PIR: variants seen among roughly 807,000 people sequenced by gnomAD.
The protein encoded by PIR is pirin (iron-binding nuclear protein).
PIR carries 22 observed loss-of-function variants against 24.2 expected under a neutral mutation model. The observed-to-expected ratio is 0.91, with a 90% CI of 0.65 to 1.30. The LOEUF (loss-of-function observed/expected upper bound fraction) is 1.30, where lower values mean the gene tolerates loss of function less well. Ranked by LOEUF, PIR falls within the 50% of genes most tolerant of loss-of-function variation. The probability of loss-of-function intolerance (pLI) is 0.00; values close to 1 mark genes in which losing one functional copy is unlikely to be tolerated. For synonymous variants in PIR, 80 were observed against 79.6 expected (o/e 1.00, Z -0.03); for missense variants, 220 against 220.3 (o/e 1.00, Z 0.01).
At chrX:15,387,281 G>C (rs1406763155) in intron 9 of PIR, among the ~76,000 whole-genome samples, 3 of 107,201 alleles carry the variant, frequency 2.8e-5, no homozygotes, top group African/African-American at 1.0e-4. Context: ...ATTTTTAGTA[G>C]AGATTGGGTT....
At chrX:15,451,385 G>T (rs1457917416) in intron 5 of PIR, among the ~76,000 whole-genome samples, 4 of 107,415 alleles carry the variant, frequency 3.7e-5, no homozygotes, top group Non-Finnish European at 7.7e-5. Flanking sequence ...TCCTGCAAAA[G>T]AGTTCACATT....
chrX:15,404,953 T>C (rs1365806520), intron 7 of PIR, among the ~76,000 whole-genome samples: 2 of 111,192 alleles, frequency 1.8e-5, no homozygotes, highest in Non-Finnish European at 3.8e-5. Flanking sequence ...TTGCCAGATG[T>C]TTTGCACTGT....
intron 8 of PIR, among the ~76,000 whole-genome samples, chrX:15,394,438 T>C (rs1307933250): frequency 8.9e-6 from 1 of 112,032 alleles, no homozygotes; most frequent in Non-Finnish European, 1.9e-5. Flanking sequence ...ATAGTGCCAG[T>C]TAAAAAGCAC....
chrX:15,442,535 G>A (rs980597359), intron 5 of PIR, among the ~76,000 whole-genome samples: 6 of 112,041 alleles, frequency 5.4e-5, no homozygotes, highest in Admixed American at 3.8e-4. Context: ...GTCAAAAGCC[G>A]AGACAGGCCA....
chrX:15,386,771 G>A (rs1602236948), intron 9 of PIR, among the ~76,000 whole-genome samples: 1 of 110,863 alleles, frequency 9.0e-6, no homozygotes, highest in Non-Finnish European at 1.9e-5. Context: ...AAAAAATGGC[G>A]ATCTGAAATA....
Position 15,385,086 on chromosome X carries a change from A to G in PIR, c.791T>C (p.Ile264Thr). 1 of 1,183,927 alleles carries G rather than the reference A, an allele frequency of 8.4e-7. No homozygotes were observed. Among genetic ancestry groups the G allele is most frequent in the Non-Finnish European group, 1.1e-6 (1 of 871,077 alleles). Residue 264 changes from isoleucine to threonine, a missense_variant, in exon 10 of 10, where the codon ATT becomes ACT. Coordinates refer to ENST00000380420, the MANE Select transcript of PIR (RefSeq NM_001018109.3). ...TCTGAAATCAAGAATAGCTTGAGAA[A>G]TCTCTTCATTGGTGTTCATCACAAA... ...GPFVMNTNEEISQAILDFRNA... is the reference protein window; with the variant it reads ...GPFVMNTNEETSQAILDFRNA...
intron 3 of PIR, among the ~76,000 whole-genome samples, chrX:15,463,622 G>A (rs1921406577): frequency 8.9e-6 from 1 of 112,144 alleles, no homozygotes; most frequent in African/African-American, 3.2e-5. Context: ...ACAGGCAGAT[G>A]GCTACAAAAA....
intron 6 of PIR, among the ~76,000 whole-genome samples, chrX:15,416,572 G>A (rs1385310184): frequency 5.4e-5 from 6 of 111,175 alleles, no homozygotes; most frequent in Non-Finnish European, 9.4e-5. Flanking sequence ...ACTCTAAGAC[G>A]TCTGCCTGAT....
At chrX:15,432,552 T>C (rs1039594444) in intron 5 of PIR, among the ~76,000 whole-genome samples, 1 of 112,108 alleles carries the variant, frequency 8.9e-6, no homozygotes, top group African/African-American at 3.2e-5. Context: ...GAGCTTGAAG[T>C]ATTCAGAAAC....
chrX:15,424,030 C>T (rs1925223229), intron 6 of PIR, among the ~76,000 whole-genome samples: 1 of 112,127 alleles, frequency 8.9e-6, no homozygotes, highest in South Asian at 3.7e-4. Flanking sequence ...AAAAACTAAA[C>T]ATAGAACTAC....
intron 5 of PIR, among the ~76,000 whole-genome samples, chrX:15,437,519 T>C (rs781575611): frequency 1.6e-4 from 18 of 112,031 alleles, no homozygotes; most frequent in Admixed American, 9.5e-5. Flanking sequence ...ATGGCCCCCA[T>C]GTTGGTTACT....
chrX:15,404,089 C>G (rs1336506438), intron 7 of PIR, among the ~76,000 whole-genome samples: 1 of 109,537 alleles, frequency 9.1e-6, no homozygotes, highest in Non-Finnish European at 1.9e-5. Flanking sequence ...AAACTCTGCT[C>G]TCCGGGTTCA....
intron 6 of PIR, among the ~76,000 whole-genome samples, chrX:15,413,641 T>C (rs1467208113): frequency 8.9e-6 from 1 of 112,266 alleles, no homozygotes; most frequent in Non-Finnish European, 1.9e-5. Context: ...AGATAGGTTA[T>C]TACCTGAACT....
At chrX:15,460,266 C>T (rs919554017) in intron 3 of PIR, among the ~76,000 whole-genome samples, 9 of 111,742 alleles carry the variant, frequency 8.1e-5, no homozygotes, top group African/African-American at 2.6e-4. Flanking sequence ...AAAATAAAAT[C>T]ACTATCTCAA....
At chrX:15,395,245 T>A (rs113594730) in intron 8 of PIR, among the ~76,000 whole-genome samples, 2,364 of 111,582 alleles carry the variant, frequency 0.021, 66 homozygotes, top group African/African-American at 0.072. Flanking sequence ...ACTGTATAAA[T>A]CCTTATTAGG....
intron 6 of PIR, among the ~76,000 whole-genome samples, chrX:15,417,286 C>A (rs1569197863): frequency 8.9e-6 from 1 of 112,498 alleles, no homozygotes; most frequent in South Asian, 3.7e-4. Context: ...TAACAGTACA[C>A]AGCTAAGTTG....
chrX:15,449,662 T>C (rs746885800), intron 5 of PIR, among the ~76,000 whole-genome samples: 23 of 112,390 alleles, frequency 2.0e-4, no homozygotes, highest in Admixed American at 1.7e-3. Flanking sequence ...GAATTTAACA[T>C]TGAATATTAC....
rs770052797 is a variant in PIR at position 15,385,019 on chromosome X, T to G, written c.858A>C (p.Ser286=). 5.2e-6 allele frequency: 6 copies of G among 1,155,007 alleles called. No individual in the cohort carries two copies. The East Asian group carries it at 1.8e-4, about 35-fold the overall frequency. ...CCGCTTTCCACTAGTTCCCAATCTTTGATTTCCAGGTTTTGGCCCTTTCAA... is the reference window on the plus strand; with the variant it reads ...CCGCTTTCCACTAGTTCCCAATCTTGGATTTCCAGGTTTTGGCCCTTTCAA... ...NGFERAKTWK[S]KIGN The change falls in exon 10 of 10, where the codon TCA becomes TCC. Residue 286 remains serine (S), a synonymous_variant. Transcript: ENST00000380420.
intron 6 of PIR, among the ~76,000 whole-genome samples, chrX:15,418,571 C>T (rs1014274401): frequency 7.1e-5 from 8 of 111,944 alleles, no homozygotes; most frequent in African/African-American, 9.8e-5. Flanking sequence ...AGTGATGCAC[C>T]GTCCAGCTCA....
Sources: allele counts gnomAD v4.1 joint callset (sites outside exome capture counted in the v4.1 genomes callset), GRCh38; gene constraint gnomAD v4.1.1; transcripts MANE v1.5; gene names NCBI Gene and HGNC (gene_info 2026-07-23, HGNC 2026-07-21).